CNTNAP5: variants seen among roughly 807,000 people sequenced by gnomAD.
CNTNAP5 encodes contactin-associated protein-like 5.
Under a neutral mutation model 150.2 loss-of-function variants are expected in CNTNAP5, and 72 were observed. The ratio of observed to expected loss-of-function variants is 0.48; its 90% CI spans 0.40 to 0.58. The LOEUF is 0.58. Among genes scored for constraint, CNTNAP5 ranks in the 20% least tolerant of loss-of-function variants. CNTNAP5 has a pLI of 0.00. For missense variants in CNTNAP5, 1,636 were observed against 1,626.2 expected, an observed-to-expected ratio of 1.01 and a Z score of -0.10; for synonymous variants, 672 against 619.8, an observed-to-expected ratio of 1.08 and a Z score of -1.25.
chr2:124,323,136 A>C (rs1689138458), intron 3 of CNTNAP5, among the ~76,000 whole-genome samples: 1 of 152,184 alleles, frequency 6.6e-6, no homozygotes, highest in South Asian at 2.1e-4. Context: ...GATGTTATAG[A>C]AGTTAATGTG....
chr2:124,167,905 C>T (rs538145608), intron 1 of CNTNAP5, among the ~76,000 whole-genome samples: 71 of 152,188 alleles, frequency 4.7e-4, no homozygotes, highest in African/African-American at 1.4e-3. Context: ...GAGGGAGTAC[C>T]AGAGGAGACA....
rs1438009568 is a variant in CNTNAP5, at chr2:124,221,824, T to G, written c.187+15T>G. ...CTGGAGAGTTGGTAAGTAGGCTGAC[T>G]GAAATCCTAATGCCAAGCACTAAAT... On this transcript the variant is annotated intron_variant, in intron 2 of 23. Coordinates refer to ENST00000682447, the MANE Select transcript of CNTNAP5 (RefSeq NM_001367498.1). The G allele has an allele frequency of 6.5e-7, 1 of 1,529,444 alleles. No individual in the cohort carries two copies. The highest frequency in any genetic ancestry group is 9.0e-7 in the Non-Finnish European group (1 of 1,110,442). The allele number at this position is 1,529,444 out of a possible 1,614,324, so 94.7% of individuals were successfully genotyped here.
At chr2:124,893,176 ATC>A (rs1260812570) in intron 21 of CNTNAP5, among the ~76,000 whole-genome samples, 1 of 152,130 alleles carries the variant, frequency 6.6e-6, no homozygotes, top group Non-Finnish European at 1.5e-5. Context: ...CTGGGTTCAA[ATC>A]TCAGCTCTGC....
intron 13 of CNTNAP5, among the ~76,000 whole-genome samples, chr2:124,692,950 T>G (rs755911083): frequency 1.9e-4 from 29 of 152,254 alleles, no homozygotes; most frequent in Middle Eastern, 3.4e-3. Flanking sequence ...AAAGGGCACA[T>G]CCATCTGTTC....
Position 124,772,816 on chromosome 2 carries a change from T to A in CNTNAP5, c.2551T>A (p.Phe851Ile), listed in dbSNP as rs1381042030. 2 of 1,613,664 alleles carry A rather than the reference T, an allele frequency of 1.2e-6. No homozygotes were observed. The highest frequency in any genetic ancestry group is 1.7e-5 in the Admixed American group (1 of 60,014). ...LEISSPSEIT[F>I]AIDVGNGPVE... ...GGTTTCAGCTCCTTCAGAGATCACC[T>A]TTGCCATCGATGTTGGGAATGGTCC... The change falls in exon 17 of 24, where the codon TTT (phenylalanine) becomes ATT (isoleucine). Residue 851 changes from phenylalanine to isoleucine, a missense_variant. Phe to Ile is a conservative substitution (Grantham distance 21). Coordinates refer to ENST00000682447, the MANE Select transcript of CNTNAP5 (RefSeq NM_001367498.1).
chr2:124,339,889 A>G (rs1268758370), intron 3 of CNTNAP5, among the ~76,000 whole-genome samples: 1 of 152,100 alleles, frequency 6.6e-6, no homozygotes, highest in East Asian at 1.9e-4. Flanking sequence ...GTGTGGGGCC[A>G]TAGAATCAGT....
At chr2:124,247,923 T>A (rs1401336973) in intron 3 of CNTNAP5, among the ~76,000 whole-genome samples, 1 of 152,194 alleles carries the variant, frequency 6.6e-6, no homozygotes. Flanking sequence ...CAGGATTTTT[T>A]AAATGGTTCT....
At chr2:124,189,086 C>T (rs527687122) in intron 1 of CNTNAP5, among the ~76,000 whole-genome samples, 2 of 151,914 alleles carry the variant, frequency 1.3e-5, no homozygotes, top group East Asian at 1.9e-4. Context: ...TCATGAGTGG[C>T]CTCTAGATAA....
chr2:124,519,885 A>C (rs945273136), intron 8 of CNTNAP5, among the ~76,000 whole-genome samples: 3 of 152,184 alleles, frequency 2.0e-5, no homozygotes, highest in Non-Finnish European at 4.4e-5. Flanking sequence ...AACCCTTTAT[A>C]CTGATGCCCT....
intron 13 of CNTNAP5, among the ~76,000 whole-genome samples, chr2:124,745,688 G>T (rs1003241402): frequency 6.6e-6 from 1 of 152,204 alleles, no homozygotes; most frequent in African/African-American, 2.4e-5. Flanking sequence ...ATCTCCAATT[G>T]AAACTCTAGC....
At chr2:124,279,720 C>T (rs920571818) in intron 3 of CNTNAP5, among the ~76,000 whole-genome samples, 8 of 152,168 alleles carry the variant, frequency 5.3e-5, no homozygotes, top group South Asian at 2.1e-4. Flanking sequence ...TCTTCTCACC[C>T]GGCTGTAAAT....
At chr2:124,720,899 T>C (rs1680035320) in intron 13 of CNTNAP5, among the ~76,000 whole-genome samples, 1 of 152,220 alleles carries the variant, frequency 6.6e-6, no homozygotes, top group Admixed American at 6.5e-5. Context: ...TATGGCCCCT[T>C]AATTTTTTTC....
intron 19 of CNTNAP5, among the ~76,000 whole-genome samples, chr2:124,820,048 C>A (rs1047917939): frequency 1.3e-5 from 2 of 152,158 alleles, no homozygotes; most frequent in African/African-American, 4.8e-5. Flanking sequence ...CTCTCCCTTG[C>A]AGAAATGGGC....
At chr2:124,754,388 G>A (rs1680793228) in intron 14 of CNTNAP5, among the ~76,000 whole-genome samples, 1 of 152,134 alleles carries the variant, frequency 6.6e-6, no homozygotes, top group Non-Finnish European at 1.5e-5. Flanking sequence ...GAATTAGGAA[G>A]GGTTTATGTG....
chr2:124,905,655 AAG>A (rs1678520193), intron 22 of CNTNAP5, among the ~76,000 whole-genome samples: 1 of 152,114 alleles, frequency 6.6e-6, no homozygotes, highest in Admixed American at 6.6e-5. Context: ...TCTCAAGAAA[AAG>A]AGATACATTC....
At chr2:124,397,446 A>G (rs1691280641) in intron 3 of CNTNAP5, among the ~76,000 whole-genome samples, 2 of 152,146 alleles carry the variant, frequency 1.3e-5, no homozygotes, top group Non-Finnish European at 2.9e-5. Context: ...TTAGAAAGGC[A>G]CTAATTCCAT....
chr2:124,706,873 A>G (rs1245828241), intron 13 of CNTNAP5, among the ~76,000 whole-genome samples: 654 of 10,474 alleles, frequency 0.062, 78 homozygotes, highest in Admixed American at 0.07. Flanking sequence ...AGAAGGGGAA[A>G]GGGAAGAAGA....
chr2:124,861,858 C>G (rs62173280), intron 19 of CNTNAP5, among the ~76,000 whole-genome samples: 11,779 of 152,100 alleles, frequency 0.077, 1,427 homozygotes, highest in African/African-American at 0.26. Flanking sequence ...CTATCGCCCA[C>G]GCTGGAGTGC....
At chr2:124,817,668 T>C (rs1682393898) in intron 19 of CNTNAP5, among the ~76,000 whole-genome samples, 1 of 152,180 alleles carries the variant, frequency 6.6e-6, no homozygotes, top group Admixed American at 6.5e-5. Context: ...ATTATTCAGT[T>C]ACACGTCTTT....
Sources: gnomAD v4.1 joint callset for allele counts (sites outside exome capture counted in the v4.1 genomes callset) on GRCh38, gnomAD v4.1.1 for gene constraint, MANE v1.5 for transcripts, NCBI Gene and HGNC (gene_info 2026-07-23, HGNC 2026-07-21) for gene names.